The following CSMD3 variants were observed in gnomAD, a reference collection of about 807,000 sequenced individuals.
CSMD3 encodes the protein CUB and sushi domain-containing protein 3.
Under a neutral mutation model 435.2 loss-of-function variants are expected in CSMD3, and 177 were observed. That is an observed-to-expected ratio of 0.41 (90% CI 0.36 to 0.46). The LOEUF is 0.46. Ranked by LOEUF, CSMD3 falls within the 20% of genes least tolerant of loss-of-function variation. CSMD3 has a pLI of 0.34. For synonymous variants in CSMD3, 1,656 were observed against 1,520.5 expected (o/e 1.09, Z -2.07); for missense variants, 4,265 against 4,504.6 (o/e 0.95, Z 1.52).
rs2130387128 is a variant in CSMD3 at position 112,263,823 on chromosome 8, A to G, written c.9689-11T>C. On this transcript the variant is annotated splice_polypyrimidine_tract_variant and intron_variant, in intron 60 of 70. Coordinates refer to ENST00000297405, the MANE Select transcript of CSMD3 (RefSeq NM_198123.2). ...TTGGGCAGGTAACAGCTGCAATTAC[A>G]TTAAAAGTGATTAGACACAGCTGTT... The G allele has an allele frequency of 6.2e-7, 1 of 1,609,538 alleles. No individual in the cohort carries two copies. Among genetic ancestry groups the G allele is most frequent in the Non-Finnish European group, 8.5e-7 (1 of 1,175,992 alleles).
chr8:113,323,710 A>C (rs554856516), intron 1 of CSMD3, among the ~76,000 whole-genome samples: 1 of 152,338 alleles, frequency 6.6e-6, no homozygotes, highest in African/African-American at 2.4e-5. Flanking sequence ...TTATATATCA[A>C]ATTATTTGGG....
chr8:112,634,376 T>TA (rs931386691), intron 22 of CSMD3, among the ~76,000 whole-genome samples: 2 of 152,022 alleles, frequency 1.3e-5, no homozygotes, highest in Admixed American at 6.6e-5. Flanking sequence ...AGTAACATTT[T>TA]AAAAAACATT....
chr8:113,060,810 T>A (rs1473558062), intron 5 of CSMD3, among the ~76,000 whole-genome samples: 1 of 152,154 alleles, frequency 6.6e-6, no homozygotes, highest in Non-Finnish European at 1.5e-5. Flanking sequence ...GAGAAAAGCA[T>A]AACTCTCTAC....
At chr8:112,785,795 A>T (rs1292588835) in intron 13 of CSMD3, among the ~76,000 whole-genome samples, 1 of 152,110 alleles carries the variant, frequency 6.6e-6, no homozygotes, top group Non-Finnish European at 1.5e-5. Context: ...GAACAGGAAA[A>T]AAAGGAAAGA....
At chr8:112,475,828 T>C (rs1465738719) in intron 31 of CSMD3, among the ~76,000 whole-genome samples, 1 of 152,158 alleles carries the variant, frequency 6.6e-6, no homozygotes, top group Non-Finnish European at 1.5e-5. Flanking sequence ...TTCTGGCTCT[T>C]AACAACTGGT....
rs561461139 is a variant in CSMD3, at chr8:112,454,035, T to C, written c.5395+18556A>G. Among the ~76,000 whole-genome samples the C allele has an allele frequency of 2.4e-4, 36 of 152,330 alleles. No individual in the cohort carries two copies. In the South Asian group the frequency reaches 7.2e-3, roughly 31 times the overall value. On this transcript the variant is annotated intron_variant, in intron 32 of 70. Transcript: ENST00000297405. ...AATCAATAATTGGTGCTGGGATAAG[T>C]GGCTAGCCATTTGAACAAGAATAAA...
At chr8:112,838,768 A>G (rs1423288416) in intron 11 of CSMD3, among the ~76,000 whole-genome samples, 1 of 151,750 alleles carries the variant, frequency 6.6e-6, no homozygotes, top group East Asian at 1.9e-4. Context: ...ATTATAAGTG[A>G]CATACATTTC....
chr8:112,444,969 G>A (rs1815432291), intron 32 of CSMD3, among the ~76,000 whole-genome samples: 1 of 152,146 alleles, frequency 6.6e-6, no homozygotes. Flanking sequence ...CAGGCCAATT[G>A]TGGTGACTCA....
At chr8:113,300,162 C>CAAAAAAA (rs34291122) in intron 2 of CSMD3, among the ~76,000 whole-genome samples, 6 of 116,602 alleles carry the variant, frequency 5.1e-5, no homozygotes, top group Non-Finnish European at 5.1e-5. Flanking sequence ...TCAAAAAAGT[C>CAAAAAAA]AAAAAAAAAA....
chr8:112,720,502 G>T (rs772059717), intron 13 of CSMD3, among the ~76,000 whole-genome samples: 8 of 152,056 alleles, frequency 5.3e-5, no homozygotes, highest in Non-Finnish European at 1.0e-4. Flanking sequence ...CAAAATGCTC[G>T]TTTTCCAAAA....
At chr8:113,303,199 T>C (rs1360723433) in intron 2 of CSMD3, among the ~76,000 whole-genome samples, 1 of 143,206 alleles carries the variant, frequency 7.0e-6, no homozygotes, top group Non-Finnish European at 1.5e-5. Flanking sequence ...GAATCCAACT[T>C]ACAAGGGATG....
intron 39 of CSMD3, 27 bp downstream of exon 39, chr8:112,352,389 A>C: frequency 6.2e-7 from 1 of 1,612,466 alleles, no homozygotes; most frequent in Non-Finnish European, 8.5e-7. Flanking sequence ...CATGAAAATC[A>C]AAACCACAAC....
chr8:112,986,050 T>C (rs2085242818), intron 6 of CSMD3, among the ~76,000 whole-genome samples: 1 of 152,118 alleles, frequency 6.6e-6, no homozygotes, highest in Admixed American at 6.6e-5. Context: ...ACTACTGGAC[T>C]ACAAGCAAGA....
rs2130075097 is a variant in CSMD3, at chr8:112,408,914, G to T, written c.5509+5C>A. 6.2e-7 allele frequency: 1 copy of T among 1,613,318 alleles called. No homozygotes were observed. Among genetic ancestry groups the T allele is most frequent in the Non-Finnish European group, 8.5e-7 (1 of 1,179,508 alleles). On this transcript the variant is annotated splice_donor_5th_base_variant and intron_variant, in intron 33 of 70. Coordinates refer to ENST00000297405, the MANE Select transcript of CSMD3 (RefSeq NM_198123.2). ...CTGATGCATGGCAGTTCTATTAAAG[G>T]ATACCTGAATGGGATCCTGAGAGGG...
At chr8:112,511,733 A>G (rs1239794720) in intron 28 of CSMD3, among the ~76,000 whole-genome samples, 2 of 152,122 alleles carry the variant, frequency 1.3e-5, no homozygotes, top group Non-Finnish European at 2.9e-5. Flanking sequence ...CTGCCGTAGT[A>G]CTGGATTTCC....
intron 19 of CSMD3, among the ~76,000 whole-genome samples, chr8:112,649,100 C>T (rs529349244): frequency 2.0e-5 from 3 of 152,188 alleles, no homozygotes; most frequent in African/African-American, 7.2e-5. Flanking sequence ...CTGTCTGCAG[C>T]GTAAGAGAAT....
intron 35 of CSMD3, among the ~76,000 whole-genome samples, chr8:112,392,938 T>G (rs1167983779): frequency 6.7e-6 from 1 of 148,800 alleles, no homozygotes; most frequent in Non-Finnish European, 1.5e-5. Context: ...TGATTATAGC[T>G]CACTGCAGCC....
At chr8:113,208,697 T>C (rs528568667) in intron 3 of CSMD3, among the ~76,000 whole-genome samples, 1 of 152,078 alleles carries the variant, frequency 6.6e-6, no homozygotes, top group Non-Finnish European at 1.5e-5. Context: ...CATAAGTACA[T>C]GAAGAAAAAT....
intron 1 of CSMD3, among the ~76,000 whole-genome samples, chr8:113,370,354 T>C (rs1424932411): frequency 2.0e-5 from 3 of 151,558 alleles, no homozygotes; most frequent in Admixed American, 2.0e-4. Context: ...TTGTGATGTA[T>C]CTTCCAGCCT....
Sources: allele counts gnomAD v4.1 joint callset (sites outside exome capture counted in the v4.1 genomes callset), GRCh38; gene constraint gnomAD v4.1.1; transcripts MANE v1.5; gene names NCBI Gene and HGNC (gene_info 2026-07-23, HGNC 2026-07-21).